The following OR4N2 variants were observed in gnomAD, a reference collection of about 807,000 sequenced individuals.
The protein encoded by OR4N2 is olfactory receptor family 4 subfamily N member 2, also known as olfactory receptor 4N2.
For missense variants in OR4N2, 307 were observed against 377.6 expected (o/e 0.81, Z 1.55); for synonymous variants, 141 against 140.4 (o/e 1.00, Z -0.03).
chr14:19,816,296 G>A (rs1879426376), intron 1 of OR4N2, among the ~76,000 whole-genome samples: 1 of 152,212 alleles, frequency 6.6e-6, no homozygotes, highest in African/African-American at 2.4e-5. Flanking sequence ...GGGCAATATG[G>A]CCATTTTCAT....
intron 1 of OR4N2, among the ~76,000 whole-genome samples, chr14:19,820,399 C>T (rs1244268435): frequency 6.6e-6 from 1 of 152,184 alleles, no homozygotes; most frequent in Non-Finnish European, 1.5e-5. Context: ...TTAGATCTTT[C>T]CTGCTTTAAG....
At chr14:19,826,626 T>C (rs1879706910) in intron 1 of OR4N2, among the ~76,000 whole-genome samples, 1 of 152,280 alleles carries the variant, frequency 6.6e-6, no homozygotes, top group African/African-American at 2.4e-5. Context: ...TTGCAAATTT[T>C]ATATTGTAGC....
chr14:19,828,219 C>A lies in OR4N2; in HGVS notation c.771C>A (p.Ile257=). The A allele has an allele frequency of 1.1e-5, 17 of 1,614,272 alleles. No individual in the cohort carries two copies. The highest frequency in any genetic ancestry group is 1.4e-5 in the Non-Finnish European group (17 of 1,180,036). The change falls in exon 2 of 2, where the codon ATC becomes ATA. Residue 257 remains isoleucine (I), a synonymous_variant. Transcript: ENST00000557677. ...IFFMFGPGIF[I]YTRPFRAFPA... ...TCATGTTTGGACCTGGCATCTTCAT[C>A]TACACGCGCCCCTTCAGGGCTTTCC...
At chr14:19,807,562 A>G (rs1474716557) in intron 1 of OR4N2, among the ~76,000 whole-genome samples, 1 of 149,646 alleles carries the variant, frequency 6.7e-6, no homozygotes, top group African/African-American at 2.4e-5. Flanking sequence ...TTAGACCAAC[A>G]TCAAGCTGTG....
intron 1 of OR4N2, among the ~76,000 whole-genome samples, chr14:19,823,391 C>T (rs1879614215): frequency 6.6e-6 from 1 of 152,186 alleles, no homozygotes; most frequent in African/African-American, 2.4e-5. Context: ...CGTTGGCCAA[C>T]TGCAAGAATA....
At chr14:19,805,228 C>A (rs1421089233) in intron 1 of OR4N2, among the ~76,000 whole-genome samples, 1 of 152,058 alleles carries the variant, frequency 6.6e-6, no homozygotes, top group African/African-American at 2.4e-5. Context: ...GTGTGTTTCC[C>A]AGCAATGATT....
At chr14:19,820,714 G>C (rs1879544257) in intron 1 of OR4N2, among the ~76,000 whole-genome samples, 2 of 152,348 alleles carry the variant, frequency 1.3e-5, no homozygotes, top group African/African-American at 4.8e-5. Context: ...CTTCCTGGTG[G>C]CTTTATTTAC....
At chr14:19,812,309 T>TTTTCC (rs1879317702) in intron 1 of OR4N2, among the ~76,000 whole-genome samples, 4 of 126,818 alleles carry the variant, frequency 3.2e-5, no homozygotes, top group African/African-American at 5.8e-5. Flanking sequence ...TTTCTTTTTT[T>TTTTCC]TTTTCTTTTC....
intron 1 of OR4N2, among the ~76,000 whole-genome samples, chr14:19,819,248 G>A (rs1232065375): frequency 2.6e-5 from 4 of 152,208 alleles, no homozygotes; most frequent in Non-Finnish European, 5.9e-5. Flanking sequence ...CTAGGTTGGG[G>A]AAGTTCTCCT....
chr14:19,806,997 AT>A lies in OR4N2; in HGVS notation c.-10+3155del, dbSNP rs1879180149. ...CTGAAATTAGGCAAAAATCAAAAAA[AT>A]TCTTTGAAATTAAAACAGGGACACA... On this transcript the variant is annotated intron_variant, in intron 1 of 1. Transcript: ENST00000557677. Among the ~76,000 whole-genome samples, 12 of 152,278 alleles carry A rather than the reference AT, an allele frequency of 7.9e-5. No homozygotes were observed. The Middle Eastern group carries it at 0.01, about 129-fold the overall frequency.
At chr14:19,825,154 T>C (rs1298303354) in intron 1 of OR4N2, among the ~76,000 whole-genome samples, 1 of 152,286 alleles carries the variant, frequency 6.6e-6, no homozygotes, top group Non-Finnish European at 1.5e-5. Context: ...TGTATTTGTG[T>C]GCATACGTGT....
chr14:19,810,148 C>T (rs1366153316), intron 1 of OR4N2, among the ~76,000 whole-genome samples: 5 of 152,084 alleles, frequency 3.3e-5, no homozygotes, highest in Admixed American at 1.3e-4. Context: ...CTTAAATTAT[C>T]GAGCAAAAAA....
chr14:19,817,547 C>A (rs1359660474), intron 1 of OR4N2, among the ~76,000 whole-genome samples: 3 of 152,202 alleles, frequency 2.0e-5, no homozygotes, highest in Non-Finnish European at 1.5e-5. Flanking sequence ...ACCCCTTTAT[C>A]ATTTTCTATT....
chr14:19,805,654 G>A (rs374281803), intron 1 of OR4N2, among the ~76,000 whole-genome samples: 7 of 152,186 alleles, frequency 4.6e-5, no homozygotes, highest in African/African-American at 7.2e-5. Flanking sequence ...TAAACAACTC[G>A]GAAAATAAAT....
chr14:19,805,715 A>G (rs1427848959), intron 1 of OR4N2, among the ~76,000 whole-genome samples: 1 of 152,190 alleles, frequency 6.6e-6, no homozygotes, highest in Non-Finnish European at 1.5e-5. Context: ...AGAGGATGAT[A>G]TGCAAATCCA....
intron 1 of OR4N2, among the ~76,000 whole-genome samples, chr14:19,824,970 G>A (rs1258212477): frequency 1.3e-5 from 2 of 152,244 alleles, no homozygotes; most frequent in African/African-American, 4.8e-5. Context: ...CATTGTTCAA[G>A]CGTCGACTGT....
chr14:19,827,591 C>A lies in OR4N2; in HGVS notation c.143C>A (p.Thr48Asn). ...ILPGNFLIIF[T>N]IKSDPGLTAP... The stretch of plus-strand genomic sequence containing the variant: ...CCTGGAAATTTTCTCATTATTTTCA[C>A]CATAAAGTCAGACCCTGGGCTCACA... The change falls in exon 2 of 2, where the codon ACC becomes AAC. Residue 48 changes from threonine (T) to asparagine (N), a missense_variant. Transcript: ENST00000557677. The A allele has an allele frequency of 6.2e-7, 1 of 1,614,176 alleles. No individual in the cohort carries two copies. The highest frequency in any genetic ancestry group is 1.1e-5 in the South Asian group (1 of 91,084).
rs1201716491 is a variant in OR4N2 at position 19,828,668 on chromosome 14, A to C, written c.*296A>C. The C allele has an allele frequency of 3.3e-5, 10 of 299,916 alleles. No homozygotes were observed. The highest frequency in any genetic ancestry group is 1.4e-4 in the Admixed American group (3 of 20,852). The allele number at this position is 299,916 out of a possible 1,614,324, so 18.6% of individuals were successfully genotyped here. A position where few individuals can be genotyped will look rare whatever the true frequency, so the allele number is the denominator to read the frequency against. The stretch of plus-strand genomic sequence containing the variant: ...TGATAAATTGTGACTCTGGATTGGG[A>C]GTAACCAATTTGTGTTTAATAATCA... On this transcript the variant is annotated 3_prime_UTR_variant, in exon 2 of 2. Transcript: ENST00000557677.
Position 19,827,869 on chromosome 14 carries a change from T to C in OR4N2, c.421T>C (p.Cys141Arg). 1 of 1,614,264 alleles carries C rather than the reference T, an allele frequency of 6.2e-7. No homozygotes were observed. ...HYPTVMNPRT[C>R]YAMMLALWLG... is the part of the protein sequence containing the mutation. ...TCCTACTGTCATGAACCCTAGAACC[T>C]GCTATGCAATGATGTTGGCTCTGTG... The change falls in exon 2 of 2, where the codon TGC (cysteine) becomes CGC (arginine). Residue 141 changes from cysteine to arginine, a missense_variant. By Grantham distance (180) the Cys-to-Arg change is radical (BLOSUM62 -3). Transcript: ENST00000557677.
Sources: allele counts gnomAD v4.1 joint callset (sites outside exome capture counted in the v4.1 genomes callset), GRCh38; gene constraint gnomAD v4.1.1; transcripts MANE v1.5; gene names NCBI Gene and HGNC (gene_info 2026-07-23, HGNC 2026-07-21).